Variants in OR2L13 observed in about 807,000 individuals in gnomAD.
OR2L13 encodes olfactory receptor 2L13.
A neutral mutation model predicts 15.3 loss-of-function variants in OR2L13; 14 were observed. The ratio of observed to expected loss-of-function variants is 0.91; its 90% confidence interval spans 0.60 to 1.43. The LOEUF (loss-of-function observed/expected upper bound fraction) is 1.43. Ranked by LOEUF, OR2L13 falls within the 40% of genes most tolerant of loss-of-function variation. The pLI is 0.00. For missense variants in OR2L13, 367 were observed against 387.9 expected (o/e 0.95, Z 0.45); for synonymous variants, 152 against 142.9 (o/e 1.06, Z -0.45).
chr1:247,968,080 G>GT, the OR2L13 span, among the ~76,000 whole-genome samples: 6 of 152,116 alleles, frequency 3.9e-5, no homozygotes, highest in East Asian at 1.2e-3. Context: ...AGGAACAAAC[G>GT]TTTGTGTGTA....
the OR2L13 span, among the ~76,000 whole-genome samples, chr1:248,085,269 T>TA: frequency 6.6e-6 from 1 of 151,622 alleles, no homozygotes; most frequent in Non-Finnish European, 1.5e-5. Context: ...AACTCATGGA[T>TA]AAAAAAGCAC....
chr1:248,083,737 T>C, the OR2L13 span: 1 of 1,612,966 alleles, frequency 6.2e-7, no homozygotes, highest in South Asian at 1.1e-5. Flanking sequence ...ACACTGTAGA[T>C]GAGGGGGTTT....
At chr1:248,019,912 C>T in the OR2L13 span, among the ~76,000 whole-genome samples, 777 of 152,176 alleles carry the variant, frequency 5.1e-3, 6 homozygotes, top group African/African-American at 0.017. Flanking sequence ...TCAGCCTCCC[C>T]AAGTAGCTGG....
At chr1:247,991,130 T>C in the OR2L13 span, 1 of 1,606,470 alleles carries the variant, frequency 6.2e-7, no homozygotes, top group Non-Finnish European at 8.5e-7. Context: ...AACCCCATCA[T>C]CTACAGCCTG....
At chr1:248,030,358 TACTTTCTCTAAC>T in the OR2L13 span, 2 of 152,194 alleles carry the variant, frequency 1.3e-5, no homozygotes, top group Non-Finnish European at 2.9e-5. Flanking sequence ...CTAATGACTG[TACTTTCTCTAAC>T]ACCATTCAGC....
At chr1:247,954,805 T>C in the OR2L13 span, among the ~76,000 whole-genome samples, 3 of 152,080 alleles carry the variant, frequency 2.0e-5, no homozygotes, top group African/African-American at 4.8e-5. Context: ...AGAATACGAC[T>C]TGAAAATTGC....
the OR2L13 span, among the ~76,000 whole-genome samples, chr1:247,985,370 T>A: frequency 6.6e-6 from 1 of 152,192 alleles, no homozygotes; most frequent in African/African-American, 2.4e-5. Context: ...TTTGGTTTTT[T>A]TGTCCTTGCA....
the OR2L13 span, among the ~76,000 whole-genome samples, chr1:248,085,975 C>G: frequency 6.6e-6 from 1 of 152,126 alleles, no homozygotes; most frequent in African/African-American, 2.4e-5. Context: ...CCTGTGCAGG[C>G]CAGGTCCTAA....
chr1:248,042,515 T>C, the OR2L13 span, among the ~76,000 whole-genome samples: 1 of 149,958 alleles, frequency 6.7e-6, no homozygotes, highest in African/African-American at 2.5e-5. Context: ...TAATAAAAAA[T>C]AAATAAACAA....
the OR2L13 span, among the ~76,000 whole-genome samples, chr1:247,973,314 A>T: frequency 6.6e-6 from 1 of 152,178 alleles, no homozygotes; most frequent in Non-Finnish European, 1.5e-5. Context: ...AGGATATTCA[A>T]ATAGGAAGGG....
upstream of OR2L13, among the ~76,000 whole-genome samples, chr1:248,090,288 C>G (rs373477169): frequency 6.7e-6 from 1 of 148,566 alleles, no homozygotes; most frequent in Admixed American, 6.8e-5. Flanking sequence ...TGAACCCTTT[C>G]GTTTAGTATG....
the OR2L13 span, among the ~76,000 whole-genome samples, chr1:247,989,443 A>C: frequency 0.039 from 5,903 of 152,264 alleles, 352 homozygotes; most frequent in African/African-American, 0.13. Context: ...ATGTTTTAAG[A>C]ATAACAAATG....
At chr1:248,042,942 G>C in the OR2L13 span, among the ~76,000 whole-genome samples, 2 of 152,110 alleles carry the variant, frequency 1.3e-5, no homozygotes, top group Admixed American at 6.5e-5. Context: ...AATATTTTAA[G>C]AAGATGCAAA....
chr1:248,015,380 C>T, the OR2L13 span, among the ~76,000 whole-genome samples: 1 of 152,094 alleles, frequency 6.6e-6, no homozygotes, highest in Admixed American at 6.6e-5. Flanking sequence ...GGACACTCTT[C>T]TGTGTCATCT....
At chr1:248,038,204 A>G in the OR2L13 span, 1 of 1,199,642 alleles carries the variant, frequency 8.3e-7, no homozygotes. Context: ...CTGTGGATAA[A>G]AGTGAATTAC....
chr1:247,944,628 G>T, the OR2L13 span, among the ~76,000 whole-genome samples: 1 of 152,132 alleles, frequency 6.6e-6, no homozygotes, highest in Non-Finnish European at 1.5e-5. Context: ...TCCCTGCAAA[G>T]GACATGATCT....
the OR2L13 span, among the ~76,000 whole-genome samples, chr1:248,060,235 A>G: frequency 0.18 from 26,959 of 152,106 alleles, 2,712 homozygotes; most frequent in East Asian, 0.27. Flanking sequence ...GTTGTAATAG[A>G]GATATCTTTC....
the OR2L13 span, among the ~76,000 whole-genome samples, chr1:248,070,995 AC>A: frequency 6.6e-6 from 1 of 152,174 alleles, no homozygotes; most frequent in African/African-American, 2.4e-5. Flanking sequence ...TAGCTTACCA[AC>A]CAAAAAGAGT....
the OR2L13 span, among the ~76,000 whole-genome samples, chr1:248,052,419 G>A: frequency 3.9e-5 from 6 of 152,068 alleles, no homozygotes; most frequent in Non-Finnish European, 8.8e-5. Context: ...CTATAGCTTC[G>A]AGTAAGTTTT....
Sources: allele counts gnomAD v4.1 joint callset (sites outside exome capture counted in the v4.1 genomes callset), GRCh38; gene constraint gnomAD v4.1.1; transcripts MANE v1.5; gene names NCBI Gene and HGNC (gene_info 2026-07-23, HGNC 2026-07-21).